The following USP53 variants were observed in gnomAD, a reference collection of about 807,000 sequenced individuals.
The protein encoded by USP53 is ubiquitin carboxyl-terminal hydrolase 53.
Under a neutral mutation model 94.9 loss-of-function variants are expected in USP53, and 71 were observed. That is an observed-to-expected ratio of 0.75 (90% CI 0.62 to 0.91). The LOEUF (loss-of-function observed/expected upper bound fraction) is 0.91, where lower values mean the gene tolerates loss of function less well. USP53 is among the 40% of genes least tolerant of loss of function. USP53 has a pLI of 0.00. For missense variants in USP53, 1,173 were observed against 1,281.0 expected (o/e 0.92, Z 1.29); for synonymous variants, 375 against 422.7 (o/e 0.89, Z 1.39).
chr4:119,236,323 T>C (rs1456905626), intron 4 of USP53, among the ~76,000 whole-genome samples: 7 of 152,230 alleles, frequency 4.6e-5, no homozygotes, highest in African/African-American at 1.4e-4. Context: ...TAAGTTGTAA[T>C]CTTTTTGGTG....
At chr4:119,282,141 C>A (rs988338566) in intron 17 of USP53, among the ~76,000 whole-genome samples, 2 of 152,108 alleles carry the variant, frequency 1.3e-5, no homozygotes, top group African/African-American at 4.8e-5. Context: ...GTAGATGTAT[C>A]AGAATCTCAT....
intron 7 of USP53, among the ~76,000 whole-genome samples, chr4:119,252,437 C>G (rs1578480329): frequency 6.6e-6 from 1 of 152,120 alleles, no homozygotes; most frequent in South Asian, 2.1e-4. Context: ...CTCAGAGATT[C>G]AACTTCTTTC....
Position 119,220,153 on chromosome 4 carries a change from T to C in USP53, c.-665+2480T>C, listed in dbSNP as rs548648129. On this transcript the variant is annotated intron_variant, in intron 3 of 18. Transcript: ENST00000692078. ...ATATGTTTATAACTGCACAAATGAA[T>C]TCTGAAGGGACGCATAAGACATTGG... The C allele has an allele frequency of 3.3e-5, 5 of 152,294 alleles. 1 individual carries two copies. The South Asian group carries it at 1.0e-3, about 32-fold the overall frequency. 9.4% of individuals were successfully genotyped at this position (152,294 alleles called of 1,614,324 possible). A position where few individuals can be genotyped will look rare whatever the true frequency, so the allele number is the denominator to read the frequency against.
intron 3 of USP53, among the ~76,000 whole-genome samples, chr4:119,222,398 T>C (rs1344545368): frequency 6.6e-6 from 1 of 152,228 alleles, no homozygotes; most frequent in Non-Finnish European, 1.5e-5. Flanking sequence ...CGAGAACTTA[T>C]TCCTTCTAAT....
At chr4:119,259,959 T>A in intron 10 of USP53, 34 bp downstream of exon 10, 1 of 1,495,370 alleles carries the variant, frequency 6.7e-7, no homozygotes, top group Non-Finnish European at 9.1e-7. Flanking sequence ...AGTATGCTTC[T>A]TGTTTTGTAG....
intron 3 of USP53, among the ~76,000 whole-genome samples, chr4:119,223,816 C>T (rs1407827253): frequency 1.3e-5 from 2 of 152,152 alleles, no homozygotes; most frequent in African/African-American, 4.8e-5. Context: ...CATTACTAAA[C>T]TTCTCCTGAC....
At chr4:119,233,518 A>T (rs116516347) in intron 3 of USP53, among the ~76,000 whole-genome samples, 189 of 152,154 alleles carry the variant, frequency 1.2e-3, no homozygotes, top group African/African-American at 4.5e-3. Context: ...GCTTTTGAGA[A>T]GTGTTTATAT....
chr4:119,290,853 A>G (rs1355331464), intron 17 of USP53, among the ~76,000 whole-genome samples: 1 of 152,186 alleles, frequency 6.6e-6, no homozygotes, highest in Non-Finnish European at 1.5e-5. Flanking sequence ...ACACTTGGTC[A>G]GTAAAGATCT....
chr4:119,241,506 T>C (rs1460564098), intron 5 of USP53, among the ~76,000 whole-genome samples: 6 of 97,828 alleles, frequency 6.1e-5, no homozygotes, highest in Non-Finnish European at 1.0e-4. Context: ...ATGGTCCAAG[T>C]TGACATTTTT....
intron 17 of USP53, among the ~76,000 whole-genome samples, chr4:119,279,404 A>G (rs1456774137): frequency 6.7e-6 from 1 of 149,684 alleles, no homozygotes; most frequent in Non-Finnish European, 1.5e-5. Context: ...CCTCCCAGTT[A>G]GGCTGCTCGG....
intron 14 of USP53, among the ~76,000 whole-genome samples, chr4:119,269,159 T>C (rs1427004134): frequency 6.6e-6 from 1 of 152,206 alleles, no homozygotes; most frequent in Non-Finnish European, 1.5e-5. Flanking sequence ...TTATTGATAC[T>C]CTTAGATTCA....
chr4:119,234,167 A>T (rs1746428084), intron 3 of USP53, among the ~76,000 whole-genome samples: 1 of 152,132 alleles, frequency 6.6e-6, no homozygotes, highest in African/African-American at 2.4e-5. Context: ...GTGGTAGCAG[A>T]GCTTTTCTGT....
rs1428410860 is a variant in USP53, at chr4:119,271,998, TG to T, written c.2140del (p.Asp714IlefsTer20). On this transcript the variant is annotated frameshift_variant, in exon 16 of 19. Coordinates refer to ENST00000692078, the MANE Select transcript of USP53 (RefSeq NM_001371395.1). LOFTEE classifies it high-confidence loss of function. ...GTTATCGATGGAAATGGTACAGTAA[TG>T]GATATCAGTGGTGTTAAAGAAACAG... ...SPVIDGNGTV[M>X]DISGVKETVC... 6.2e-7 allele frequency: 1 copy of T among 1,602,606 alleles called. No homozygotes were observed. Among genetic ancestry groups the T allele is most frequent in the African/African-American group, 1.3e-5 (1 of 74,306 alleles).
Position 119,248,764 on chromosome 4 carries a change from T to A in USP53, c.254T>A (p.Phe85Tyr), listed in dbSNP as rs1468302686. ...FCALKTIFAQ[F>Y]QHSREKALPS... The stretch of plus-strand genomic sequence containing the variant: ...GATTCCCAGACGATATTTGCACAGT[T>A]CCAACACAGTCGAGAAAAAGCACTT... The change falls in exon 7 of 19, where the codon TTC (phenylalanine) becomes TAC (tyrosine). Residue 85 changes from phenylalanine to tyrosine, a missense_variant. Transcript: ENST00000692078. The A allele has an allele frequency of 1.2e-6, 2 of 1,613,832 alleles. No homozygotes were observed. Among genetic ancestry groups the A allele is most frequent in the Admixed American group, 3.3e-5 (2 of 60,026 alleles).
At chr4:119,221,749 G>A (rs1179852589) in intron 3 of USP53, among the ~76,000 whole-genome samples, 2 of 152,160 alleles carry the variant, frequency 1.3e-5, no homozygotes, top group East Asian at 1.9e-4. Context: ...CGATTTTCTG[G>A]CAGTGCCTCT....
chr4:119,214,636 C>T (rs537375614), intron 2 of USP53, among the ~76,000 whole-genome samples: 5 of 148,924 alleles, frequency 3.4e-5, no homozygotes, highest in East Asian at 3.9e-4. Context: ...AGAAAAATCA[C>T]AATACTCTTA....
rs565698413 is a variant in USP53 at position 119,280,022 on chromosome 4, C to G, written c.2251+6314C>G. Among the ~76,000 whole-genome samples, 75 of 152,304 alleles carry G rather than the reference C, an allele frequency of 4.9e-4. 1 individual carries two copies. The South Asian group carries it at 9.1e-3, about 19-fold the overall frequency. On this transcript the variant is annotated intron_variant, in intron 17 of 18. Transcript: ENST00000692078. ...GTCTGGTACTCCCTAGTGAGATGAA[C>G]CCGGTACCTCAGATGGAAATGCAGA...
intron 7 of USP53, among the ~76,000 whole-genome samples, chr4:119,249,103 C>T (rs915459728): frequency 6.6e-6 from 1 of 152,154 alleles, no homozygotes; most frequent in Admixed American, 6.6e-5. Flanking sequence ...CTAATTTTTA[C>T]TCTTAGGCTA....
chr4:119,229,473 A>C (rs1403533512), intron 3 of USP53, among the ~76,000 whole-genome samples: 1 of 152,204 alleles, frequency 6.6e-6, no homozygotes, highest in East Asian at 1.9e-4. Context: ...AAACTCATTC[A>C]TTTTATCCCA....
Sources: gnomAD v4.1 joint callset for allele counts (sites outside exome capture counted in the v4.1 genomes callset) on GRCh38, gnomAD v4.1.1 for gene constraint, MANE v1.5 for transcripts, NCBI Gene and HGNC (gene_info 2026-07-23, HGNC 2026-07-21) for gene names.